Variants in JAKMIP2 observed in about 807,000 individuals in gnomAD.
The protein encoded by JAKMIP2 is janus kinase and microtubule interacting protein 2.
Under a neutral mutation model 115.0 loss-of-function variants are expected in JAKMIP2, and 25 were observed. That is an observed-to-expected ratio of 0.22 (90% confidence interval 0.16 to 0.30). The LOEUF (loss-of-function observed/expected upper bound fraction) is 0.30. JAKMIP2 is among the 10% of genes least tolerant of loss of function. The pLI is 1.00. For synonymous variants in JAKMIP2, 334 were observed against 343.6 expected, an observed-to-expected ratio of 0.97 and a Z score of 0.31; for missense variants, 642 against 957.6, an observed-to-expected ratio of 0.67 and a Z score of 4.35.
intron 1 of JAKMIP2, among the ~76,000 whole-genome samples, chr5:147,702,423 G>GAGGAAGGAAGGAAGGTAGGAAGGA (rs1752362691): frequency 1.6e-5 from 2 of 128,198 alleles, no homozygotes; most frequent in Non-Finnish European, 3.1e-5. Context: ...AAGAAAGAAA[G>GAGGAAGGAAGGAAGGTAGGAAGGA]AGGAAGGAAG....
intron 2 of JAKMIP2, among the ~76,000 whole-genome samples, chr5:147,669,814 T>C (rs1446590283): frequency 6.6e-6 from 1 of 152,188 alleles, no homozygotes; most frequent in African/African-American, 2.4e-5. Flanking sequence ...TCCATCAGAA[T>C]TGCCAGGGCT....
At chr5:147,678,904 T>G (rs1239099926) in intron 1 of JAKMIP2, among the ~76,000 whole-genome samples, 2 of 152,172 alleles carry the variant, frequency 1.3e-5, no homozygotes, top group African/African-American at 4.8e-5. Flanking sequence ...GGTTGTATAC[T>G]CTGTGCAGGA....
At chr5:147,650,914 C>A (rs142779227) in intron 3 of JAKMIP2, among the ~76,000 whole-genome samples, 2 of 152,146 alleles carry the variant, frequency 1.3e-5, no homozygotes, top group Admixed American at 6.6e-5. Flanking sequence ...TTTCCTAGGA[C>A]ATTTTTTGAT....
chr5:147,668,283 T>C (rs1759401466), intron 2 of JAKMIP2, among the ~76,000 whole-genome samples: 1 of 152,196 alleles, frequency 6.6e-6, no homozygotes, highest in African/African-American at 2.4e-5. Context: ...AACCATAGTT[T>C]ATCTCTGAGG....
At chr5:147,778,878 A>T (rs567067464) in intron 1 of JAKMIP2, among the ~76,000 whole-genome samples, 7 of 152,232 alleles carry the variant, frequency 4.6e-5, no homozygotes, top group Non-Finnish European at 7.4e-5. Flanking sequence ...CTCTACAAAT[A>T]GTTGTTAGTC....
intron 1 of JAKMIP2, among the ~76,000 whole-genome samples, chr5:147,701,445 C>T (rs1000789494): frequency 8.5e-5 from 13 of 152,248 alleles, no homozygotes; most frequent in Admixed American, 3.9e-4. Context: ...AAAATTCATA[C>T]GTTGAAATCT....
At chr5:147,643,044 T>G (rs1297013981) in intron 7 of JAKMIP2, among the ~76,000 whole-genome samples, 2 of 152,120 alleles carry the variant, frequency 1.3e-5, no homozygotes, top group African/African-American at 2.4e-5. Context: ...CTGGCTTCCT[T>G]GCTCTTCAGC....
At chr5:147,614,936 C>G (rs1031306308) in intron 19 of JAKMIP2, among the ~76,000 whole-genome samples, 1 of 152,196 alleles carries the variant, frequency 6.6e-6, no homozygotes, top group Non-Finnish European at 1.5e-5. Flanking sequence ...TTTCTTGGAT[C>G]GTAGGTATCT....
chr5:147,759,886 G>A (rs12657336), intron 1 of JAKMIP2, among the ~76,000 whole-genome samples: 19,106 of 152,062 alleles, frequency 0.13, 1,724 homozygotes, highest in East Asian at 0.4. Flanking sequence ...AGTCCCAGTC[G>A]TGGGTTACTG....
rs78777581 is a variant in JAKMIP2, at chr5:147,639,879, T to C, written c.1402-119A>G. 6.1e-3 allele frequency: 7,224 copies of C among 1,177,942 alleles called. 372 individuals are homozygous for C. In the East Asian group the frequency reaches 0.13, roughly 21 times the overall value. The allele number at this position is 1,177,942 out of a possible 1,614,324, so 73.0% of individuals were successfully genotyped here. A position where few individuals can be genotyped will look rare whatever the true frequency, so the allele number is the denominator to read the frequency against. ...AAGTAAAAGGTTGTTTAACAGTCTA[T>C]TTGATTTTATTTTTAGCTCTGAAGT... On this transcript the variant is annotated intron_variant, in intron 9 of 21. Coordinates refer to ENST00000616793, the MANE Select transcript of JAKMIP2 (RefSeq NM_001270941.2).
At chr5:147,717,679 T>C (rs1233743880) in intron 1 of JAKMIP2, among the ~76,000 whole-genome samples, 2 of 151,244 alleles carry the variant, frequency 1.3e-5, no homozygotes, top group Non-Finnish European at 3.0e-5. Context: ...ATGCTTGTGA[T>C]TTTTGTACAT....
At chr5:147,641,661 C>T in intron 8 of JAKMIP2, 47 bp downstream of exon 8, 3 of 1,356,224 alleles carry the variant, frequency 2.2e-6, no homozygotes, top group Non-Finnish European at 3.2e-6. Flanking sequence ...AGCCTCATCT[C>T]TCTGGCTGTT....
At chr5:147,605,590 G>C (rs1024161699) in intron 20 of JAKMIP2, among the ~76,000 whole-genome samples, 4 of 152,108 alleles carry the variant, frequency 2.6e-5, no homozygotes, top group African/African-American at 9.7e-5. Context: ...GAATAGTGCT[G>C]CAATAAACAT....
chr5:147,768,807 T>G (rs566792347), intron 1 of JAKMIP2, among the ~76,000 whole-genome samples: 19 of 152,154 alleles, frequency 1.2e-4, no homozygotes, highest in Non-Finnish European at 2.5e-4. Flanking sequence ...ATTAAAATTT[T>G]GTTTGAGGCC....
At chr5:147,683,558 C>T (rs943953642) in intron 1 of JAKMIP2, among the ~76,000 whole-genome samples, 7 of 152,014 alleles carry the variant, frequency 4.6e-5, no homozygotes, top group African/African-American at 1.7e-4. Context: ...AAAAAAAATG[C>T]CCAAATTATT....
intron 3 of JAKMIP2, among the ~76,000 whole-genome samples, chr5:147,658,520 C>T (rs1255034587): frequency 6.6e-6 from 1 of 152,180 alleles, no homozygotes; most frequent in Non-Finnish European, 1.5e-5. Context: ...GCAGTCTGTC[C>T]CTTAGCAGAG....
intron 1 of JAKMIP2, among the ~76,000 whole-genome samples, chr5:147,721,519 C>T (rs1369816070): frequency 1.3e-5 from 2 of 152,186 alleles, no homozygotes; most frequent in South Asian, 2.1e-4. Context: ...GGCGTAGGAC[C>T]CTCCGAGCCA....
intron 1 of JAKMIP2, among the ~76,000 whole-genome samples, chr5:147,717,701 C>T (rs1221984248): frequency 2.0e-5 from 3 of 150,592 alleles, no homozygotes; most frequent in East Asian, 3.9e-4. Flanking sequence ...GATTTTGTAT[C>T]CTGAGACTTT....
In JAKMIP2 at chr5:147,586,625, C is replaced by G. The variant is rs887606637; in HGVS notation, c.*5082G>C. 3 of 152,016 alleles carry G rather than the reference C, an allele frequency of 2.0e-5. No individual in the cohort carries two copies. The South Asian group carries it at 6.2e-4, about 32-fold the overall frequency. The allele number at this position is 152,016 out of a possible 1,614,324, so 9.4% of individuals were successfully genotyped here. ...TGCAGAAAAAAACAAAAACAGGAAC[C>G]CTCACCAAATCAACCACGTGTATCT... On this transcript the variant is annotated 3_prime_UTR_variant, in exon 22 of 22. Coordinates refer to ENST00000616793, the MANE Select transcript of JAKMIP2 (RefSeq NM_001270941.2).
Sources: gnomAD v4.1 joint callset for allele counts (sites outside exome capture counted in the v4.1 genomes callset) on GRCh38, gnomAD v4.1.1 for gene constraint, MANE v1.5 for transcripts, NCBI Gene and HGNC (gene_info 2026-07-23, HGNC 2026-07-21) for gene names.